The following WHRN variants were observed in gnomAD, a reference collection of about 807,000 sequenced individuals.
The protein encoded by WHRN is CASK-interacting protein CIP98.
Under a neutral mutation model 68.3 loss-of-function variants are expected in WHRN, and 41 were observed. The observed-to-expected ratio is 0.60, with a 90% CI of 0.47 to 0.78. WHRN has a LOEUF of 0.78. Ranked by LOEUF, WHRN falls within the 30% of genes least tolerant of loss-of-function variation. The pLI is 0.00. For missense variants in WHRN, 1,243 were observed against 1,244.7 expected (o/e 1.00, Z 0.02); for synonymous variants, 560 against 561.3 (o/e 1.00, Z 0.03).
At chr9:114,422,786 G>T (rs1836426229) in intron 7 of WHRN, among the ~76,000 whole-genome samples, 1 of 152,212 alleles carries the variant, frequency 6.6e-6, no homozygotes, top group South Asian at 2.1e-4. Flanking sequence ...AGTGAGCCAA[G>T]ATTGCACCCC....
At position 114,406,813 on chromosome 9, in the gene WHRN, T is replaced by TG; in HGVS notation, c.1777_1778insC (p.Asp593AlafsTer145). On this transcript the variant is annotated frameshift_variant, in exon 9 of 12. Transcript: ENST00000362057. LOFTEE classifies it high-confidence loss of function. ...CTTCCTTGGCTGGCCTAGTGGGAGG[T>TG]CGTTGCCTTGGGCCAGAGGTGGTGG... 6.2e-7 allele frequency: 1 copy of TG among 1,611,274 alleles called. No individual in the cohort carries two copies. The highest frequency in any genetic ancestry group is 1.1e-5 in the South Asian group (1 of 90,764).
Position 114,404,093 on chromosome 9 carries a change from G to A in WHRN, c.2237-16C>T. 3.7e-6 allele frequency: 6 copies of A among 1,611,266 alleles called. No homozygotes were observed. The highest frequency in any genetic ancestry group is 5.1e-6 in the Non-Finnish European group (6 of 1,179,746). On this transcript the variant is annotated splice_polypyrimidine_tract_variant and intron_variant, in intron 9 of 11. Coordinates refer to ENST00000362057, the MANE Select transcript of WHRN (RefSeq NM_015404.4). ...GTAGAGGCTGCTGGAGAGGGGAAAAGGAAGAGAGAAGCAGCTTATATAGCT... is the reference window on the plus strand; with the variant it reads ...GTAGAGGCTGCTGGAGAGGGGAAAAAGAAGAGAGAAGCAGCTTATATAGCT...
chr9:114,498,682 G>GACATCTGC (rs1220028957), intron 1 of WHRN, among the ~76,000 whole-genome samples: 2 of 152,166 alleles, frequency 1.3e-5, no homozygotes, highest in African/African-American at 4.8e-5. Context: ...TACAAAATGT[G>GACATCTGC]ACATCTGCCA....
chr9:114,468,549 G>A (rs987221374), intron 2 of WHRN, among the ~76,000 whole-genome samples: 8 of 152,108 alleles, frequency 5.3e-5, no homozygotes, highest in South Asian at 2.1e-4. Context: ...CAGACTCTGC[G>A]GTTTGTCAGG....
At chr9:114,436,554 C>T (rs972976293) in intron 3 of WHRN, among the ~76,000 whole-genome samples, 2 of 152,132 alleles carry the variant, frequency 1.3e-5, no homozygotes, top group Non-Finnish European at 1.5e-5. Flanking sequence ...ATTGGTCCGG[C>T]GCAGTGGCTC....
intron 7 of WHRN, among the ~76,000 whole-genome samples, chr9:114,420,065 C>T (rs957846833): frequency 1.1e-4 from 16 of 152,146 alleles, no homozygotes; most frequent in African/African-American, 3.9e-4. Context: ...CCACAGCAGC[C>T]GCTCCTGGGG....
rs138323921 is a variant in WHRN at position 114,402,801 on chromosome 9, G to A, written c.2677C>T (p.Arg893Cys). 1.3e-5 allele frequency: 21 copies of A among 1,614,070 alleles called. No individual in the cohort carries two copies. The highest frequency in any genetic ancestry group is 1.6e-4 in the Middle Eastern group (1 of 6,062). Residue 893 changes from arginine (R) to cysteine (C), a missense_variant, in exon 12 of 12, where the codon CGT becomes TGT. Coordinates refer to ENST00000362057, the MANE Select transcript of WHRN (RefSeq NM_015404.4). ...GTGACCAGAAAGTCAATGTAGTCAC[G>A]GTCCTTAGTCTTGAAGGCCTCGGCG... is the stretch of plus-strand genomic sequence containing the variant. Reference protein sequence around the residue: ...IIAEAFKTKDRDYIDFLVTEF... With the variant: ...IIAEAFKTKDCDYIDFLVTEF...
intron 3 of WHRN, among the ~76,000 whole-genome samples, chr9:114,427,213 G>C (rs1457579757): frequency 1.3e-5 from 2 of 152,180 alleles, no homozygotes. Flanking sequence ...AACTGTGATT[G>C]CACCACCATA....
At chr9:114,499,431 A>G (rs1286705454) in intron 1 of WHRN, among the ~76,000 whole-genome samples, 1 of 152,236 alleles carries the variant, frequency 6.6e-6, no homozygotes, top group African/African-American at 2.4e-5. Context: ...AGATACCTCC[A>G]GCCATTTAAT....
intron 3 of WHRN, among the ~76,000 whole-genome samples, chr9:114,438,373 G>A (rs1564154356): frequency 6.6e-6 from 1 of 152,088 alleles, no homozygotes; most frequent in Non-Finnish European, 1.5e-5. Context: ...CGTCAGCTAT[G>A]GAGAAACAGG....
At chr9:114,503,334 C>G in intron 1 of WHRN, 27 of 289,940 alleles carry the variant, frequency 9.3e-5, no homozygotes, top group Non-Finnish European at 1.3e-4. Context: ...CAAAGGAGGT[C>G]GGGGGAGGGG....
chr9:114,413,555 T>C (rs2132264020), intron 7 of WHRN, among the ~76,000 whole-genome samples: 1 of 152,232 alleles, frequency 6.6e-6, no homozygotes, highest in African/African-American at 2.4e-5. Flanking sequence ...CGGGGAATCA[T>C]TGGACCTGCA....
chr9:114,415,630 T>C (rs1023278674), intron 7 of WHRN, among the ~76,000 whole-genome samples: 1 of 151,898 alleles, frequency 6.6e-6, no homozygotes, highest in African/African-American at 2.4e-5. Flanking sequence ...TTTATCAGAG[T>C]GTGAGTTATG....
chr9:114,500,209 C>T (rs752947182), intron 1 of WHRN, among the ~76,000 whole-genome samples: 17 of 152,154 alleles, frequency 1.1e-4, no homozygotes, highest in Non-Finnish European at 1.9e-4. Context: ...CATGTCATTG[C>T]TGGCAGGACT....
At chr9:114,458,337 G>C (rs1839978432) in intron 3 of WHRN, among the ~76,000 whole-genome samples, 1 of 152,118 alleles carries the variant, frequency 6.6e-6, no homozygotes. Flanking sequence ...TTTTGACTAA[G>C]TTGTTGCCAT....
intron 6 of WHRN, among the ~76,000 whole-genome samples, 182 bp from the exon 7 acceptor site, chr9:114,423,705 T>C (rs1329369429): frequency 6.6e-6 from 1 of 152,102 alleles, no homozygotes; most frequent in East Asian, 1.9e-4. Context: ...AGGCCCAGCA[T>C]CATCTCACTC....
Position 114,434,550 on chromosome 9 carries a change from G to A in WHRN, c.964-8137C>T, listed in dbSNP as rs55722297. ...TTTCCTCCAAGCCTGGTCCTTCTCC[G>A]GGGCTCCTCATCTCATTGCTCAATC... On this transcript the variant is annotated intron_variant, in intron 3 of 11. Transcript: ENST00000362057. 7.3e-3 allele frequency among the ~76,000 whole-genome samples: 1,106 copies of A among 152,038 alleles called. 7 individuals carry two copies. The highest frequency in any genetic ancestry group is 0.01 in the Non-Finnish European group (680 of 67,984).
At chr9:114,441,449 C>T (rs951768556) in intron 3 of WHRN, among the ~76,000 whole-genome samples, 1 of 152,192 alleles carries the variant, frequency 6.6e-6, no homozygotes, top group Non-Finnish European at 1.5e-5. Context: ...GCCCCCAGAT[C>T]TTGATATCTA....
At chr9:114,494,025 C>T (rs1030941679) in intron 1 of WHRN, among the ~76,000 whole-genome samples, 34 of 152,200 alleles carry the variant, frequency 2.2e-4, no homozygotes, top group Admixed American at 2.0e-4. Context: ...CCTAGTCCCA[C>T]CACCCCTGAC....
Sources: gnomAD v4.1 joint callset for allele counts (sites outside exome capture counted in the v4.1 genomes callset) on GRCh38, gnomAD v4.1.1 for gene constraint, MANE v1.5 for transcripts, NCBI Gene and HGNC (gene_info 2026-07-23, HGNC 2026-07-21) for gene names.